The following DAB2IP variants were observed in gnomAD, a reference collection of about 807,000 sequenced individuals.
DAB2IP encodes disabled homolog 2-interacting protein.
A neutral mutation model predicts 107.2 loss-of-function variants in DAB2IP; 28 were observed. The ratio of observed to expected loss-of-function variants is 0.26; its 90% CI spans 0.19 to 0.36. The LOEUF (loss-of-function observed/expected upper bound fraction) is 0.36, where lower values mean the gene tolerates loss of function less well. Ranked by LOEUF, DAB2IP falls within the 10% of genes least tolerant of loss-of-function variation. The probability of loss-of-function intolerance (pLI) is 1.00; values close to 1 mark genes in which losing one functional copy is unlikely to be tolerated. For missense variants in DAB2IP, 1,400 were observed against 1,644.7 expected (o/e 0.85, Z 2.57); for synonymous variants, 755 against 706.4 (o/e 1.07, Z -1.09).
intron 3 of DAB2IP, among the ~76,000 whole-genome samples, chr9:121,718,189 C>T (rs535560977): frequency 6.6e-6 from 1 of 152,292 alleles, no homozygotes; most frequent in Admixed American, 6.5e-5. Context: ...GTCTGTGTGG[C>T]TGCCGGCAGC....
At chr9:121,640,391 G>C (rs1037494516) in intron 1 of DAB2IP, among the ~76,000 whole-genome samples, 6 of 152,166 alleles carry the variant, frequency 3.9e-5, no homozygotes, top group African/African-American at 1.4e-4. Context: ...AGAGCACCAG[G>C]AGGACACAAG....
chr9:121,659,548 G>A (rs975357069), intron 1 of DAB2IP, among the ~76,000 whole-genome samples: 1 of 152,094 alleles, frequency 6.6e-6, no homozygotes, highest in African/African-American at 2.4e-5. Flanking sequence ...GAAAGAAAAC[G>A]TTTGGGAGGC....
chr9:121,695,782 G>A (rs558745557), intron 2 of DAB2IP, among the ~76,000 whole-genome samples: 1 of 152,246 alleles, frequency 6.6e-6, no homozygotes, highest in East Asian at 1.9e-4. Flanking sequence ...TCCTGTACAT[G>A]TATATGGGAA....
At chr9:121,663,532 C>T (rs370545411) in intron 1 of DAB2IP, among the ~76,000 whole-genome samples, 5 of 152,154 alleles carry the variant, frequency 3.3e-5, no homozygotes, top group Admixed American at 3.3e-4. Context: ...CCCTCTCCCA[C>T]CAGACTCCAC....
At chr9:121,779,939 G>A (rs945131015) in intron 14 of DAB2IP, among the ~76,000 whole-genome samples, 10 of 152,176 alleles carry the variant, frequency 6.6e-5, no homozygotes, top group African/African-American at 2.2e-4. Flanking sequence ...TGCTGACTCC[G>A]CCTTCCCTCT....
chr9:121,769,717 C>T (rs768079378), intron 10 of DAB2IP, among the ~76,000 whole-genome samples: 2 of 152,216 alleles, frequency 1.3e-5, no homozygotes, highest in Non-Finnish European at 2.9e-5. Context: ...CTACATTCCA[C>T]CTGTTCCAGT....
In DAB2IP at chr9:121,729,709, A is replaced by G. The variant is rs1831417836; in HGVS notation, c.363-27304A>G. On this transcript the variant is annotated intron_variant, in intron 3 of 15. Coordinates refer to ENST00000408936, the Ensembl canonical transcript of DAB2IP. ...GGCTGGTGGCCAGATGTAGCCCACA[A>G]ACAGGTCTCATTTGGCCCGATGGGG... Among the ~76,000 whole-genome samples the G allele has an allele frequency of 2.6e-5, 4 of 152,320 alleles. No individual in the cohort carries two copies. The South Asian group carries it at 8.3e-4, about 32-fold the overall frequency.
At chr9:121,586,824 C>G (rs1056055758) in intron 1 of DAB2IP, among the ~76,000 whole-genome samples, 3 of 151,712 alleles carry the variant, frequency 2.0e-5, no homozygotes, top group Non-Finnish European at 1.5e-5. Context: ...AAAAAAATTG[C>G]AGTGACCTCA....
chr9:121,571,589 T>C (rs1198198646), intron 1 of DAB2IP, among the ~76,000 whole-genome samples: 1 of 152,056 alleles, frequency 6.6e-6, no homozygotes. Flanking sequence ...TCTGGACATC[T>C]CTCCCTGCTT....
chr9:121,648,071 A>G (rs1441118229), upstream of DAB2IP, among the ~76,000 whole-genome samples: 2 of 152,030 alleles, frequency 1.3e-5, no homozygotes, highest in African/African-American at 4.8e-5. Context: ...AAGGCAGAAA[A>G]ATGACACAAT....
At position 121,760,990 on chromosome 9, in the gene DAB2IP, A is replaced by G. The variant is rs1833844635; in HGVS notation, c.1170+551A>G. ...CGAGGGTTAGCCAGCCCCACCCCAGAGCCTCACAGAAGCGGGAATCGTCTG... is the reference window on the plus strand; with the variant it reads ...CGAGGGTTAGCCAGCCCCACCCCAGGGCCTCACAGAAGCGGGAATCGTCTG... On this transcript the variant is annotated intron_variant, in intron 6 of 15. Coordinates refer to ENST00000408936, the Ensembl canonical transcript of DAB2IP. This position sits in a 1 kb window ranked among gnomAD's most constrained non-coding sequence, Gnocchi z 5.9. Among the ~76,000 whole-genome samples, 1 of 152,146 alleles carries G rather than the reference A, an allele frequency of 6.6e-6. No individual in the cohort carries two copies. Among genetic ancestry groups the G allele is most frequent in the Non-Finnish European group, 1.5e-5 (1 of 68,024 alleles).
intron 3 of DAB2IP, among the ~76,000 whole-genome samples, chr9:121,742,425 A>G (rs1373409921): frequency 1.3e-5 from 2 of 152,178 alleles, no homozygotes; most frequent in African/African-American, 4.8e-5. Context: ...GTGAAACTCC[A>G]TCTCAAAAAA....
rs898086311 is a variant in DAB2IP, at chr9:121,727,961, G to A, written c.362+28503G>A. Among the ~76,000 whole-genome samples the A allele has an allele frequency of 9.9e-5, 15 of 152,266 alleles. No homozygotes were observed. The South Asian group carries it at 2.7e-3, about 27-fold the overall frequency. Reference sequence around the variant, plus strand: ...GCCTTCATTGTTCCAGCTGCTCAGTGTTGTCTTTTTTTGTAAGAAAACAGT... The same window carrying A: ...GCCTTCATTGTTCCAGCTGCTCAGTATTGTCTTTTTTTGTAAGAAAACAGT... On this transcript the variant is annotated intron_variant, in intron 3 of 15. Transcript: ENST00000408936.
intron 1 of DAB2IP, among the ~76,000 whole-genome samples, chr9:121,581,928 T>G (rs1830201556): frequency 6.6e-6 from 1 of 152,134 alleles, no homozygotes; most frequent in African/African-American, 2.4e-5. Flanking sequence ...CCGGGCTCAT[T>G]AAGTGCTAGG....
At chr9:121,669,970 T>C (rs755488242) in intron 1 of DAB2IP, among the ~76,000 whole-genome samples, 15 of 152,336 alleles carry the variant, frequency 9.8e-5, no homozygotes, top group Non-Finnish European at 2.1e-4. Flanking sequence ...CATTTCATCA[T>C]GTATGTAGAT....
intron 3 of DAB2IP, among the ~76,000 whole-genome samples, chr9:121,718,492 C>G (rs946340046): frequency 6.6e-6 from 1 of 152,156 alleles, no homozygotes; most frequent in African/African-American, 2.4e-5. Flanking sequence ...TCTCCAGACT[C>G]GAGTCCTTAC....
At chr9:121,572,621 C>A (rs1368281073) in intron 1 of DAB2IP, among the ~76,000 whole-genome samples, 1 of 152,136 alleles carries the variant, frequency 6.6e-6, no homozygotes, top group East Asian at 1.9e-4. Flanking sequence ...TGGCCTGGAC[C>A]AAGTCCCTGC....
intron 3 of DAB2IP, among the ~76,000 whole-genome samples, chr9:121,703,533 G>A (rs922150752): frequency 2.0e-5 from 3 of 152,138 alleles, no homozygotes; most frequent in Admixed American, 2.0e-4. Context: ...ACCTTTTGCA[G>A]CCTCAGTTTG....
chr9:121,622,078 T>G (rs191465578), intron 1 of DAB2IP, among the ~76,000 whole-genome samples: 1 of 142,388 alleles, frequency 7.0e-6, no homozygotes, highest in African/African-American at 2.6e-5. Context: ...AACCTCTGCC[T>G]CCTGGGCTCA....
Sources: gnomAD v4.1 joint callset for allele counts (sites outside exome capture counted in the v4.1 genomes callset) on GRCh38, gnomAD v4.1.1 for gene constraint, Gnocchi (gnomAD v3.1) non-coding constraint, MANE v1.5 for transcripts, NCBI Gene and HGNC (gene_info 2026-07-23, HGNC 2026-07-21) for gene names.